The following HTR1F variants were observed in gnomAD, a reference collection of about 807,000 sequenced individuals.
The protein encoded by HTR1F is 5-hydroxytryptamine receptor 1F.
A neutral mutation model predicts 24.0 loss-of-function variants in HTR1F; 17 were observed. That is an observed-to-expected ratio of 0.71 (90% CI 0.48 to 1.06). The LOEUF is 1.06. HTR1F is among the 50% of genes least tolerant of loss of function. HTR1F has a pLI of 0.00. For synonymous variants in HTR1F, 186 were observed against 156.8 expected (o/e 1.19, Z -1.39); for missense variants, 391 against 427.8 (o/e 0.91, Z 0.76).
intron 2 of HTR1F, among the ~76,000 whole-genome samples, chr3:87,942,047 T>A (rs1332525607): frequency 1.3e-5 from 2 of 152,040 alleles, no homozygotes; most frequent in Non-Finnish European, 2.9e-5. Flanking sequence ...TTGAACAAGA[T>A]GGGCATTCTT....
intron 2 of HTR1F, among the ~76,000 whole-genome samples, chr3:87,874,190 CT>C (rs1705619815): frequency 6.6e-6 from 1 of 152,016 alleles, no homozygotes; most frequent in Non-Finnish European, 1.5e-5. Context: ...AAATGTATCT[CT>C]GTTCACAAAT....
chr3:87,980,483 G>A (rs1576117858), intron 2 of HTR1F, among the ~76,000 whole-genome samples: 2 of 152,316 alleles, frequency 1.3e-5, no homozygotes, highest in African/African-American at 4.8e-5. Context: ...ACTGGTCCAT[G>A]AGCAGCCATG....
chr3:87,795,476 C>A (rs1459285724), intron 1 of HTR1F, among the ~76,000 whole-genome samples: 1 of 152,138 alleles, frequency 6.6e-6, no homozygotes, highest in Non-Finnish European at 1.5e-5. Flanking sequence ...AAAACCATGG[C>A]AGGATTCTCT....
At chr3:87,941,940 C>A (rs1043776750) in intron 2 of HTR1F, among the ~76,000 whole-genome samples, 1 of 152,074 alleles carries the variant, frequency 6.6e-6, no homozygotes, top group Admixed American at 6.5e-5. Context: ...AGGCCTTGGG[C>A]TTTTAGGTCC....
At chr3:87,892,058 G>A (rs1180384352) in intron 2 of HTR1F, among the ~76,000 whole-genome samples, 1 of 152,120 alleles carries the variant, frequency 6.6e-6, no homozygotes, top group Non-Finnish European at 1.5e-5. Flanking sequence ...AAACTCACAT[G>A]AGTGTTTTAA....
chr3:87,976,508 C>T (rs895969759), intron 2 of HTR1F, among the ~76,000 whole-genome samples: 38 of 152,114 alleles, frequency 2.5e-4, no homozygotes, highest in Admixed American at 2.4e-3. Flanking sequence ...TTAAAAAAAA[C>T]TGAAGTTGTT....
At chr3:87,904,995 AG>A (rs1703628776) in intron 2 of HTR1F, among the ~76,000 whole-genome samples, 1 of 152,044 alleles carries the variant, frequency 6.6e-6, no homozygotes, top group South Asian at 2.1e-4. Context: ...TCTTCAATAT[AG>A]TTTTGTTCTT....
At chr3:87,878,339 G>T (rs1705714448) in intron 2 of HTR1F, among the ~76,000 whole-genome samples, 1 of 152,170 alleles carries the variant, frequency 6.6e-6, no homozygotes, top group Admixed American at 6.6e-5. Flanking sequence ...AATCCCAGAA[G>T]AAGCCTGGTA....
intron 2 of HTR1F, among the ~76,000 whole-genome samples, chr3:87,845,212 A>G (rs1704912092): frequency 6.6e-6 from 1 of 151,666 alleles, no homozygotes; most frequent in Admixed American, 6.6e-5. Context: ...TATTCAACAT[A>G]GTGTTGGAAG....
chr3:87,934,653 A>G (rs1704367619), intron 2 of HTR1F, among the ~76,000 whole-genome samples: 1 of 152,154 alleles, frequency 6.6e-6, no homozygotes, highest in African/African-American at 2.4e-5. Flanking sequence ...TTCTCCCAAG[A>G]TGACTTCAAC....
intron 2 of HTR1F, among the ~76,000 whole-genome samples, chr3:87,963,218 T>C (rs1705098374): frequency 6.6e-6 from 1 of 152,106 alleles, no homozygotes; most frequent in South Asian, 2.1e-4. Flanking sequence ...TTGATTTGTT[T>C]TTCACAGTTG....
chr3:87,869,342 G>A (rs886459860), intron 2 of HTR1F, among the ~76,000 whole-genome samples: 3 of 151,516 alleles, frequency 2.0e-5, no homozygotes, highest in African/African-American at 7.3e-5. Context: ...GCTTTAGTCA[G>A]GGTTCTCCAG....
chr3:87,894,395 T>A (rs1706153799), intron 2 of HTR1F, among the ~76,000 whole-genome samples: 1 of 151,790 alleles, frequency 6.6e-6, no homozygotes, highest in Admixed American at 6.6e-5. Context: ...TAGCTGGGAT[T>A]ATGGGCACGC....
At chr3:87,808,266 G>A (rs1704105245) in intron 1 of HTR1F, among the ~76,000 whole-genome samples, 1 of 151,744 alleles carries the variant, frequency 6.6e-6, no homozygotes, top group South Asian at 2.1e-4. Context: ...GTTGTTGGGA[G>A]ACTGTTTATT....
intron 2 of HTR1F, among the ~76,000 whole-genome samples, chr3:87,839,941 T>G (rs1356147656): frequency 2.0e-5 from 3 of 152,164 alleles, no homozygotes; most frequent in Admixed American, 2.0e-4. Flanking sequence ...ATGATTTCAT[T>G]CTTTTCCATG....
chr3:87,813,769 T>C (rs1259212208), intron 1 of HTR1F, among the ~76,000 whole-genome samples: 2 of 152,152 alleles, frequency 1.3e-5, no homozygotes, highest in East Asian at 3.9e-4. Context: ...TGAGTTCTCA[T>C]TAGATCTCAT....
At chr3:87,950,109 C>A (rs1335146221) in intron 2 of HTR1F, among the ~76,000 whole-genome samples, 1 of 152,164 alleles carries the variant, frequency 6.6e-6, no homozygotes, top group Non-Finnish European at 1.5e-5. Flanking sequence ...GGAACTAATT[C>A]ATTCCCTTGA....
chr3:87,883,458 G>T (rs1430452443), intron 2 of HTR1F, among the ~76,000 whole-genome samples: 1 of 152,140 alleles, frequency 6.6e-6, no homozygotes, highest in South Asian at 2.1e-4. Flanking sequence ...GAACAAAGCT[G>T]GATGGAGAAA....
At chr3:87,827,726 C>G (rs1439243581) in intron 2 of HTR1F, among the ~76,000 whole-genome samples, 2 of 152,188 alleles carry the variant, frequency 1.3e-5, no homozygotes, top group Non-Finnish European at 2.9e-5. Context: ...TTCGTAAGTT[C>G]TTTTATATTG....
Sources: allele counts gnomAD v4.1 joint callset (sites outside exome capture counted in the v4.1 genomes callset), GRCh38; gene constraint gnomAD v4.1.1; transcripts MANE v1.5; gene names NCBI Gene and HGNC (gene_info 2026-07-23, HGNC 2026-07-21).